PPM1E: variants seen among roughly 807,000 people sequenced by gnomAD.
The protein encoded by PPM1E is protein phosphatase 1E.
A neutral mutation model predicts 65.9 loss-of-function variants in PPM1E; 20 were observed. The ratio of observed to expected loss-of-function variants is 0.30; its 90% CI spans 0.21 to 0.44. The LOEUF (loss-of-function observed/expected upper bound fraction) is 0.44. Ranked by LOEUF, PPM1E falls within the 20% of genes least tolerant of loss-of-function variation. The pLI, the probability that PPM1E is intolerant of heterozygous loss-of-function variation, is 1.00. For synonymous variants in PPM1E, 352 were observed against 374.9 expected (o/e 0.94, Z 0.70); for missense variants, 713 against 953.1 (o/e 0.75, Z 3.32).
chr17:58,881,387 G>A (rs897701375), intron 1 of PPM1E, among the ~76,000 whole-genome samples: 5 of 152,274 alleles, frequency 3.3e-5, no homozygotes, highest in South Asian at 4.2e-4. Flanking sequence ...AAATTGGCCG[G>A]GCGTGGTGGC....
rs2049807741 is a variant in PPM1E, at chr17:58,760,095, A to G, written c.464+3634A>G. Among the ~76,000 whole-genome samples the G allele has an allele frequency of 2.6e-5, 4 of 152,180 alleles. 1 individual carries two copies. In the South Asian group the frequency reaches 8.3e-4, roughly 32 times the overall value. ...AGGTTTTTCTCCTGCTTCTCAGGCT[A>G]TCCCACTTCTTCTCTGTGAGCTTTT... On this transcript the variant is annotated intron_variant, in intron 1 of 6. Coordinates refer to ENST00000308249, the MANE Select transcript of PPM1E (RefSeq NM_014906.5).
intron 1 of PPM1E, among the ~76,000 whole-genome samples, chr17:58,856,217 G>A (rs2050880231): frequency 6.6e-6 from 1 of 152,026 alleles, no homozygotes; most frequent in Non-Finnish European, 1.5e-5. Flanking sequence ...GTATTCTAAT[G>A]TTTAGTAATA....
At chr17:58,887,300 G>A (rs71372855) in intron 1 of PPM1E, among the ~76,000 whole-genome samples, 1 of 151,794 alleles carries the variant, frequency 6.6e-6, no homozygotes, top group Non-Finnish European at 1.5e-5. Flanking sequence ...GAGTAGCTGA[G>A]ATTACAGGCA....
At chr17:58,873,426 T>C (rs951956385) in intron 1 of PPM1E, among the ~76,000 whole-genome samples, 9 of 152,042 alleles carry the variant, frequency 5.9e-5, no homozygotes, top group Admixed American at 6.6e-5. Context: ...ATACAAAATT[T>C]ATTTTCTAAG....
intron 1 of PPM1E, among the ~76,000 whole-genome samples, chr17:58,812,484 C>T (rs1167078098): frequency 1.3e-5 from 2 of 151,956 alleles, no homozygotes; most frequent in Non-Finnish European, 2.9e-5. Context: ...ACCTGAGGTG[C>T]CTAGAAGTAT....
intron 1 of PPM1E, among the ~76,000 whole-genome samples, chr17:58,844,025 G>A (rs972700829): frequency 3.3e-5 from 5 of 152,008 alleles, no homozygotes; most frequent in Non-Finnish European, 7.4e-5. Context: ...CTTTCTATAC[G>A]TCATATGGAG....
At position 58,980,424 on chromosome 17, in the gene PPM1E, G is replaced by T. The variant is rs758001755; in HGVS notation, c.1661G>T (p.Ser554Ile). 5 of 1,614,038 alleles carry T rather than the reference G, an allele frequency of 3.1e-6. No homozygotes were observed. Among genetic ancestry groups the T allele is most frequent in the Non-Finnish European group, 4.2e-6 (5 of 1,180,038 alleles). Residue 554 changes from serine to isoleucine, a missense_variant, in exon 7 of 7, where the codon AGC becomes ATC. This residue lies in a region of PPM1E where 286 missense variants were observed against 313.8 expected (regional missense o/e 0.91). Transcript: ENST00000308249. This position sits in a 1 kb window ranked among gnomAD's most constrained non-coding sequence, Gnocchi z 4.7. ...GRVDSFTDRT[S>I]LSPGSQINVL... ...GTGGATTCATTCACTGATAGAACTA[G>T]CCTGAGCCCAGGGTCCCAAATCAAC...
At chr17:58,910,320 GTTT>G (rs1425800586) in intron 1 of PPM1E, among the ~76,000 whole-genome samples, 5 of 152,016 alleles carry the variant, frequency 3.3e-5, no homozygotes, top group Admixed American at 6.6e-5. Flanking sequence ...CTTTTACAGT[GTTT>G]TTTATCTCTA....
At chr17:58,968,731 A>C (rs2030414339) in intron 3 of PPM1E, among the ~76,000 whole-genome samples, 2 of 152,276 alleles carry the variant, frequency 1.3e-5, no homozygotes, top group South Asian at 4.1e-4. Flanking sequence ...ACACTTGAGC[A>C]GATGATAAAG....
rs1403080456 is a variant in PPM1E at position 58,793,711 on chromosome 17, G to A, written c.464+37250G>A. Among the ~76,000 whole-genome samples the A allele has an allele frequency of 2.0e-5, 3 of 151,756 alleles. No individual in the cohort carries two copies. In the East Asian group the frequency reaches 5.8e-4, roughly 29 times the overall value. On this transcript the variant is annotated intron_variant, in intron 1 of 6. Coordinates refer to ENST00000308249, the MANE Select transcript of PPM1E (RefSeq NM_014906.5). Reference sequence around the variant, plus strand: ...TAAAGTTAATCTACATCTGAGATCTGGAATATAAATTTTACATTAAATACA... The same window carrying A: ...TAAAGTTAATCTACATCTGAGATCTAGAATATAAATTTTACATTAAATACA...
chr17:58,784,999 T>C (rs1448986977), intron 1 of PPM1E, among the ~76,000 whole-genome samples: 2 of 152,208 alleles, frequency 1.3e-5, no homozygotes, highest in African/African-American at 2.4e-5. Context: ...AATTTTGATA[T>C]AGTCCAATTT....
intron 1 of PPM1E, among the ~76,000 whole-genome samples, chr17:58,871,183 C>A (rs1272099774): frequency 1.3e-5 from 2 of 152,078 alleles, no homozygotes; most frequent in African/African-American, 2.4e-5. Context: ...ACTACAGGTG[C>A]ACACCACCAC....
intron 1 of PPM1E, among the ~76,000 whole-genome samples, chr17:58,843,610 C>T (rs1297939357): frequency 1.3e-5 from 2 of 151,878 alleles, no homozygotes; most frequent in East Asian, 1.9e-4. Flanking sequence ...GGATTGCTTG[C>T]GCCCAGGAAT....
intron 1 of PPM1E, among the ~76,000 whole-genome samples, chr17:58,787,116 A>G (rs1239160336): frequency 6.6e-6 from 1 of 152,220 alleles, no homozygotes; most frequent in Non-Finnish European, 1.5e-5. Flanking sequence ...GCATAATCAT[A>G]TTTAGTTCTT....
In PPM1E at chr17:58,981,652, T is replaced by C. The variant is rs1830412975; in HGVS notation, c.*621T>C. ...GTTTATAGTCAGAAAGATTTACGGA[T>C]TTTTTTCCTGTAACATAAAAGATTG... On this transcript the variant is annotated 3_prime_UTR_variant, in exon 7 of 7. Transcript: ENST00000308249. 1 of 152,638 alleles carries C rather than the reference T, an allele frequency of 6.6e-6. No homozygotes were observed. 9.5% of individuals were successfully genotyped at this position (152,638 alleles called of 1,614,324 possible). A position where few individuals can be genotyped will look rare whatever the true frequency, so the allele number is the denominator to read the frequency against.
rs2031300887 is a variant in PPM1E, at chr17:58,980,649, C to T, written c.1886C>T (p.Ala629Val). 1 of 1,614,150 alleles carries T rather than the reference C, an allele frequency of 6.2e-7. No individual in the cohort carries two copies. The highest frequency in any genetic ancestry group is 8.5e-7 in the Non-Finnish European group (1 of 1,180,026). The change falls in exon 7 of 7, where the codon GCT becomes GTT. Residue 629 changes from alanine (A) to valine (V), a missense_variant. Ala to Val is a moderately conservative substitution (Grantham distance 64). Coordinates refer to ENST00000308249, the MANE Select transcript of PPM1E (RefSeq NM_014906.5). This position sits in a 1 kb window ranked among gnomAD's most constrained non-coding sequence, Gnocchi z 4.7. ...AGTGGTGCTGGAGAGTTTCCCACTGCTTTCAATTTGGGTTCAACAGGGGAG... is the reference window on the plus strand; with the variant it reads ...AGTGGTGCTGGAGAGTTTCCCACTGTTTTCAATTTGGGTTCAACAGGGGAG... ...EWSGAGEFPT[A>V]FNLGSTGEQI...
At chr17:58,917,026 A>G (rs1265308834) in intron 1 of PPM1E, among the ~76,000 whole-genome samples, 2 of 152,090 alleles carry the variant, frequency 1.3e-5, no homozygotes, top group East Asian at 3.9e-4. Flanking sequence ...CCGAGCCAAC[A>G]TGGTGAAACC....
At chr17:58,921,278 A>C (rs2051746389) in intron 1 of PPM1E, among the ~76,000 whole-genome samples, 1 of 152,218 alleles carries the variant, frequency 6.6e-6, no homozygotes, top group South Asian at 2.1e-4. Context: ...GTTGGTCAAG[A>C]AACCTGTATT....
intron 1 of PPM1E, among the ~76,000 whole-genome samples, chr17:58,765,514 A>G (rs191900005): frequency 8.7e-4 from 133 of 152,158 alleles, no homozygotes; most frequent in African/African-American, 3.1e-3. Context: ...CATGTGAATT[A>G]TTTGAGAATA....
Sources: gnomAD v4.1 joint callset for allele counts (sites outside exome capture counted in the v4.1 genomes callset) on GRCh38, gnomAD v4.1.1 for gene constraint, gnomAD v4.1.1 regional missense constraint, Gnocchi (gnomAD v3.1) non-coding constraint, MANE v1.5 for transcripts, NCBI Gene and HGNC (gene_info 2026-07-23, HGNC 2026-07-21) for gene names.